Variants in PRKN observed in about 807,000 individuals in gnomAD.
PRKN encodes the protein E3 ubiquitin-protein ligase parkin.
PRKN carries 56 observed loss-of-function variants against 59.5 expected under a neutral mutation model. The observed-to-expected ratio is 0.94, with a 90% CI of 0.76 to 1.18. The LOEUF (loss-of-function observed/expected upper bound fraction) is 1.18. Among genes scored for constraint, PRKN ranks in the 50% most tolerant of loss-of-function variants. The pLI, the probability that PRKN is intolerant of heterozygous loss-of-function variation, is 0.00. For synonymous variants in PRKN, 250 were observed against 222.1 expected (o/e 1.13, Z -1.12); for missense variants, 657 against 596.4 (o/e 1.10, Z -1.06).
intron 2 of PRKN, among the ~76,000 whole-genome samples, chr6:162,321,511 CTTCCAATTTA>C (rs1783022566): frequency 6.6e-6 from 1 of 151,872 alleles, no homozygotes; most frequent in African/African-American, 2.4e-5. Context: ...CAAGGCAATA[CTTCCAATTTA>C]TTTTTTTTCA....
chr6:162,046,833 T>G (rs1784269125), intron 5 of PRKN, among the ~76,000 whole-genome samples: 1 of 152,188 alleles, frequency 6.6e-6, no homozygotes, highest in African/African-American at 2.4e-5. Context: ...AAACGAAATT[T>G]TGATTCAAAT....
chr6:161,930,373 A>G (rs1779127149), intron 6 of PRKN, among the ~76,000 whole-genome samples: 1 of 152,238 alleles, frequency 6.6e-6, no homozygotes, highest in African/African-American at 2.4e-5. Flanking sequence ...GGAGTGATGT[A>G]TGATGTGCAG....
In PRKN at chr6:161,833,396, A is replaced by G. The variant is rs76726690; in HGVS notation, c.735-47488T>C. ...GAATGAAGCTGTTTTAAGATAAGTT[A>G]GGTAGCTTATAATATGAAGTGCTAA... is the stretch of plus-strand genomic sequence containing the variant. On this transcript the variant is annotated intron_variant, in intron 6 of 11. Coordinates refer to ENST00000366898, the MANE Select transcript of PRKN (RefSeq NM_004562.3). Among the ~76,000 whole-genome samples the G allele has an allele frequency of 8.6e-3, 1,303 of 152,326 alleles. 22 individuals carry two copies. Among genetic ancestry groups the G allele is most frequent in the African/African-American group, 0.03 (1,239 of 41,584 alleles).
chr6:162,443,172 G>A, intron 2 of PRKN, 138 bp downstream of exon 2: 2 of 809,618 alleles, frequency 2.5e-6, no homozygotes, highest in South Asian at 3.2e-5. Flanking sequence ...TAATGAAGCA[G>A]TGTGGAGTAA....
At chr6:162,030,034 C>T (rs146993514) in intron 5 of PRKN, among the ~76,000 whole-genome samples, 17 of 152,190 alleles carry the variant, frequency 1.1e-4, no homozygotes, top group African/African-American at 4.1e-4. Flanking sequence ...GAGATGGGCT[C>T]TCTCTATGTT....
rs543962226 is a variant in PRKN at position 161,647,558 on chromosome 6, T to C, written c.872-78142A>G. ...TCCTGTGTTTAAAAGTGCAACTGGG[T>C]ATGGGCCCATACTCAGAGAGTATAT... On this transcript the variant is annotated intron_variant, in intron 7 of 11. Transcript: ENST00000366898. Among the ~76,000 whole-genome samples the C allele has an allele frequency of 9.9e-5, 15 of 152,082 alleles. No homozygotes were observed. In the South Asian group the frequency reaches 3.1e-3, roughly 32 times the overall value.
intron 5 of PRKN, among the ~76,000 whole-genome samples, chr6:162,033,488 CT>C (rs1447872339): frequency 6.6e-5 from 10 of 152,094 alleles, no homozygotes; most frequent in South Asian, 6.2e-4. Context: ...TAATATGCTT[CT>C]TTTTTTCTTT....
intron 5 of PRKN, among the ~76,000 whole-genome samples, chr6:162,031,044 G>A (rs908969153): frequency 6.6e-6 from 1 of 152,098 alleles, no homozygotes; most frequent in Admixed American, 6.5e-5. Context: ...TGGTGAGAGA[G>A]GAAGAAGTTG....
intron 1 of PRKN, among the ~76,000 whole-genome samples, chr6:162,584,773 T>TTCCTCTCCTC (rs370549659): frequency 8.6e-5 from 9 of 105,034 alleles, no homozygotes; most frequent in Non-Finnish European, 1.2e-4. Flanking sequence ...CTCTTTTCTT[T>TTCCTCTCCTC]TCCTCTCCTC....
intron 2 of PRKN, among the ~76,000 whole-genome samples, chr6:162,284,689 G>T (rs993118587): frequency 6.6e-6 from 1 of 152,122 alleles, no homozygotes; most frequent in Non-Finnish European, 1.5e-5. Flanking sequence ...GACAACTCAG[G>T]TCCTCCGTTT....
chr6:162,691,142 A>AT (rs1208462600), intron 1 of PRKN, among the ~76,000 whole-genome samples: 1 of 152,132 alleles, frequency 6.6e-6, no homozygotes, highest in African/African-American at 2.4e-5. Flanking sequence ...ATGATAAGGA[A>AT]TTTTTTTCAT....
chr6:162,314,536 T>C lies in PRKN; in HGVS notation c.172-51771A>G, dbSNP rs545871481. On this transcript the variant is annotated intron_variant, in intron 2 of 11. Coordinates refer to ENST00000366898, the MANE Select transcript of PRKN (RefSeq NM_004562.3). ...TAAGTAGCTAAAGACCGTGGGCACA[T>C]CCCCAGGAAGACTCATTCCCAGGAA... 5.3e-5 allele frequency among the ~76,000 whole-genome samples: 8 copies of C among 152,178 alleles called. 1 individual carries two copies. The South Asian group carries it at 1.7e-3, about 32-fold the overall frequency.
intron 4 of PRKN, among the ~76,000 whole-genome samples, chr6:162,100,061 T>G (rs561149134): frequency 6.6e-6 from 1 of 152,256 alleles, no homozygotes; most frequent in African/African-American, 2.4e-5. Context: ...TTATGTAACA[T>G]CATGTCCTTC....
At position 161,592,943 on chromosome 6, in the gene PRKN, G is replaced by A. The variant is rs1007566435; in HGVS notation, c.872-23527C>T. 1.3e-5 allele frequency among the ~76,000 whole-genome samples: 2 copies of A among 152,142 alleles called. No homozygotes were observed. Among genetic ancestry groups the A allele is most frequent in the African/African-American group, 2.4e-5 (1 of 41,424 alleles). On this transcript the variant is annotated intron_variant, in intron 7 of 11. Transcript: ENST00000366898. The surrounding 1 kb of genome is among the most constrained non-coding windows in gnomAD (Gnocchi z 4.8). ...CCGAGAGTAGGGAGAAGGCACTGGA[G>A]GACTTGCACATGGTAGTGATGTCAT...
intron 2 of PRKN, among the ~76,000 whole-genome samples, chr6:162,285,909 T>C (rs763844392): frequency 2.6e-5 from 4 of 152,164 alleles, no homozygotes; most frequent in African/African-American, 9.7e-5. Context: ...TTGATAAATG[T>C]GTGGCGGCGG....
In PRKN at chr6:161,445,454, T is replaced by C. The variant is rs369753228; in HGVS notation, c.1084-58577A>G. On this transcript the variant is annotated intron_variant, in intron 9 of 11. Coordinates refer to ENST00000366898, the MANE Select transcript of PRKN (RefSeq NM_004562.3). This position sits in a 1 kb window ranked among gnomAD's most constrained non-coding sequence, Gnocchi z 7.7. The stretch of plus-strand genomic sequence containing the variant: ...CCCACCCTCCCCTTTCTCCTACACA[T>C]GGACACCTCTGAGTGGAATAAGGGA... 6.6e-6 allele frequency among the ~76,000 whole-genome samples: 1 copy of C among 152,110 alleles called. No homozygotes were observed. The highest frequency in any genetic ancestry group is 1.5e-5 in the Non-Finnish European group (1 of 68,008).
At chr6:161,948,877 C>A (rs1779880045) in intron 6 of PRKN, among the ~76,000 whole-genome samples, 2 of 152,194 alleles carry the variant, frequency 1.3e-5, no homozygotes, top group African/African-American at 4.8e-5. Context: ...ACCAAATGGG[C>A]CTGCCATTAT....
chr6:161,399,901 A>C lies in PRKN; in HGVS notation c.1084-13024T>G, dbSNP rs2114976840. Among the ~76,000 whole-genome samples, 1 of 152,348 alleles carries C rather than the reference A, an allele frequency of 6.6e-6. No homozygotes were observed. The highest frequency in any genetic ancestry group is 2.1e-4 in the South Asian group (1 of 4,826). On this transcript the variant is annotated intron_variant, in intron 9 of 11. Coordinates refer to ENST00000366898, the MANE Select transcript of PRKN (RefSeq NM_004562.3). The surrounding 1 kb of genome is among the most constrained non-coding windows in gnomAD (Gnocchi z 4.4). ...AAAAGAAACAAGTAAAATTAATTTC[A>C]ATATTTTACTTAACTAAATATATTC...
At chr6:161,972,841 G>T (rs553852874) in intron 6 of PRKN, among the ~76,000 whole-genome samples, 1 of 152,252 alleles carries the variant, frequency 6.6e-6, no homozygotes, top group East Asian at 1.9e-4. Flanking sequence ...AGACCAGCCT[G>T]GCCAACATGG....
Sources: allele counts gnomAD v4.1 joint callset (sites outside exome capture counted in the v4.1 genomes callset), GRCh38; gene constraint gnomAD v4.1.1; non-coding constraint Gnocchi (gnomAD v3.1); transcripts MANE v1.5; gene names NCBI Gene and HGNC (gene_info 2026-07-23, HGNC 2026-07-21).